The following SLC39A8 variants were observed in gnomAD, a reference collection of about 807,000 sequenced individuals.
SLC39A8 encodes metal cation symporter ZIP8.
Under a neutral mutation model 40.4 loss-of-function variants are expected in SLC39A8, and 15 were observed. That is an observed-to-expected ratio of 0.37 (90% CI 0.25 to 0.57). The LOEUF is 0.57. Ranked by LOEUF, SLC39A8 falls within the 20% of genes least tolerant of loss-of-function variation. The probability of loss-of-function intolerance (pLI) is 0.75; values close to 1 mark genes in which losing one functional copy is unlikely to be tolerated. For synonymous variants in SLC39A8, 223 were observed against 221.6 expected (o/e 1.01, Z -0.06); for missense variants, 472 against 558.8 (o/e 0.84, Z 1.57).
chr4:102,270,296 C>T (rs1732292213), intron 6 of SLC39A8, among the ~76,000 whole-genome samples: 1 of 152,156 alleles, frequency 6.6e-6, no homozygotes. Context: ...TCTCATACCT[C>T]TAAGTACAGA....
intron 3 of SLC39A8, among the ~76,000 whole-genome samples, chr4:102,313,518 C>T (rs1734533771): frequency 6.6e-6 from 1 of 152,076 alleles, no homozygotes. Flanking sequence ...GTTAAGTCTT[C>T]CCTTTTCTTC....
chr4:102,260,280 T>C (rs1731810887), downstream of SLC39A8, among the ~76,000 whole-genome samples: 2 of 152,224 alleles, frequency 1.3e-5, no homozygotes, highest in Admixed American at 1.3e-4. Flanking sequence ...CTGGGCTTCT[T>C]TTCAGTAAGA....
chr4:102,311,689 G>A (rs759560687), intron 3 of SLC39A8, among the ~76,000 whole-genome samples: 2 of 151,942 alleles, frequency 1.3e-5, no homozygotes, highest in Non-Finnish European at 2.9e-5. Context: ...TCAGTTTACT[G>A]TACTCATCAA....
At chr4:102,315,232 T>C (rs1162805909) in intron 3 of SLC39A8, among the ~76,000 whole-genome samples, 1 of 152,142 alleles carries the variant, frequency 6.6e-6, no homozygotes, top group Non-Finnish European at 1.5e-5. Flanking sequence ...AATAATTTGG[T>C]CCCTGAAAAT....
intron 2 of SLC39A8, among the ~76,000 whole-genome samples, chr4:102,340,972 C>T (rs767017045): frequency 2.6e-5 from 4 of 152,134 alleles, no homozygotes; most frequent in Non-Finnish European, 2.9e-5. Context: ...ATCCATAGAG[C>T]AGTGAGTAGT....
chr4:102,259,444 G>A (rs765601139), downstream of SLC39A8: 11 of 1,527,016 alleles, frequency 7.2e-6, no homozygotes, highest in African/African-American at 1.1e-4. Context: ...ATTGTTCCTT[G>A]TTATTCTTAC....
Position 102,267,669 on chromosome 4 carries a change from A to G in SLC39A8, c.1054T>C (p.Phe352Leu), listed in dbSNP as rs1196995473. 2 of 1,580,212 alleles carry G rather than the reference A, an allele frequency of 1.3e-6. No homozygotes were observed. Among genetic ancestry groups the G allele is most frequent in the Non-Finnish European group, 1.7e-6 (2 of 1,168,966 alleles). Residue 352 changes from phenylalanine to leucine, a missense_variant, in exon 8 of 9, where the codon TTT becomes CTT. Physicochemically the swap from Phe to Leu is conservative, Grantham distance 22. Transcript: ENST00000356736. ...CEEFPHELGD[F>L]VILLNAGMST... ...ATCCCTGCATTGAGTAGGATCACAA[A>G]GTCTCCTAGAAGAAGAAGAAGAAAA...
chr4:102,253,051 C>G (rs746153655), exon 12 of SLC39A8: 18 of 173,302 alleles, frequency 1.0e-4, no homozygotes, highest in Non-Finnish European at 1.8e-4. Flanking sequence ...GGAACCCACT[C>G]TACTCCAGTA....
chr4:102,312,517 T>C (rs886790572), intron 3 of SLC39A8, among the ~76,000 whole-genome samples: 2 of 152,076 alleles, frequency 1.3e-5, no homozygotes, highest in Non-Finnish European at 2.9e-5. Context: ...CAACTGGGGT[T>C]TAAAAATTAC....
chr4:102,305,046 A>T lies in SLC39A8; in HGVS notation c.618T>A (p.Phe206Leu). 6.2e-7 allele frequency: 1 copy of T among 1,610,704 alleles called. No homozygotes were observed. Among genetic ancestry groups the T allele is most frequent in the Middle Eastern group, 1.7e-4 (1 of 6,034 alleles). ...TTCTTTCAAAAAAGAAAAGTAGGTA[A>T]AATCCACCAAACACAGCAACTGCCT... The part of the protein sequence containing the change: ...VEKAVAVFGG[F>L]YLLFFFERML... The change falls in exon 5 of 9, where the codon TTT becomes TTA. Residue 206 changes from phenylalanine to leucine, a missense_variant. Physicochemically the swap from Phe to Leu is conservative, Grantham distance 22. Coordinates refer to ENST00000356736, the MANE Select transcript of SLC39A8 (RefSeq NM_001135146.2).
intron 6 of SLC39A8, among the ~76,000 whole-genome samples, chr4:102,303,293 C>T (rs1733995792): frequency 6.6e-6 from 1 of 151,932 alleles, no homozygotes; most frequent in African/African-American, 2.4e-5. Flanking sequence ...TTTTCAGCAT[C>T]CCTTTTTGAT....
In SLC39A8 at chr4:102,315,919, T is replaced by C. The variant is rs1026103418; in HGVS notation, c.220-89A>G. 33 of 1,116,250 alleles carry C rather than the reference T, an allele frequency of 3.0e-5. No homozygotes were observed. The African/African-American group carries it at 4.9e-4, about 17-fold the overall frequency. The allele number at this position is 1,116,250 out of a possible 1,614,324, so 69.1% of individuals were successfully genotyped here. ...CTATAAAGAGACACAGACTATTTCA[T>C]CTAGATGCACAGCACTCTTTATACA... On this transcript the variant is annotated intron_variant, in intron 2 of 8. Coordinates refer to ENST00000356736, the MANE Select transcript of SLC39A8 (RefSeq NM_001135146.2).
Position 102,262,002 on chromosome 4 carries a change from G to T in SLC39A8, c.*1042C>A, listed in dbSNP as rs1731882965. On this transcript the variant is annotated 3_prime_UTR_variant, in exon 9 of 9. Coordinates refer to ENST00000356736, the MANE Select transcript of SLC39A8 (RefSeq NM_001135146.2). Reference sequence around the variant, plus strand: ...CCATGGTGTGCTAATTTTTTTCAAGGTATACCATATGGAAAAGTATAGGCT... The same window carrying T: ...CCATGGTGTGCTAATTTTTTTCAAGTTATACCATATGGAAAAGTATAGGCT... 2 of 985,512 alleles carry T rather than the reference G, an allele frequency of 2.0e-6. No individual in the cohort carries two copies. Among genetic ancestry groups the T allele is most frequent in the Non-Finnish European group, 2.4e-6 (2 of 829,810 alleles). The allele number at this position is 985,512 out of a possible 1,614,324, so 61.0% of individuals were successfully genotyped here.
exon 12 of SLC39A8, chr4:102,252,032 C>T (rs549277702): frequency 3.9e-5 from 6 of 152,238 alleles, no homozygotes; most frequent in Admixed American, 1.3e-4. Flanking sequence ...CCTAAGAGTA[C>T]GAAGTTTAAC....
At chr4:102,272,311 C>CAATTA (rs1732397579) in intron 6 of SLC39A8, among the ~76,000 whole-genome samples, 1 of 151,804 alleles carries the variant, frequency 6.6e-6, no homozygotes, top group Non-Finnish European at 1.5e-5. Context: ...TGGTGGTGGG[C>CAATTA]GCCTGTAGTC....
At position 102,267,997 on chromosome 4, in the gene SLC39A8, G is replaced by A. The variant is rs376000562; in HGVS notation, c.923C>T (p.Thr308Met). The change falls in exon 7 of 9, where the codon ACG becomes ATG. Residue 308 changes from threonine (T) to methionine (M), a missense_variant. This residue lies in a region of SLC39A8 where 239 missense variants were observed against 317.9 expected (regional missense o/e 0.75). Coordinates refer to ENST00000356736, the MANE Select transcript of SLC39A8 (RefSeq NM_001135146.2). ...SEIGTIAWMI[T>M]LCDALHNFID... ...GAAATTGTGGAGGGCATCGCAGAGC[G>A]TTATCATCCAGGCAATCGTCCCTAT... The A allele has an allele frequency of 3.3e-5, 53 of 1,614,174 alleles. No individual in the cohort carries two copies. Among genetic ancestry groups the A allele is most frequent in the East Asian group, 8.9e-5 (4 of 44,880 alleles).
Position 102,337,682 on chromosome 4 carries a change from A to G in SLC39A8, c.219+6762T>C, listed in dbSNP as rs1735734971. ...AGAATGCAATTGCTTCAGAGGCATC[A>G]TAAGGGAAGATTTCCATTCTAAACC... On this transcript the variant is annotated intron_variant, in intron 2 of 8. Transcript: ENST00000356736. Among the ~76,000 whole-genome samples the G allele has an allele frequency of 1.3e-5, 2 of 152,198 alleles. 1 individual carries two copies. Among genetic ancestry groups the G allele is most frequent in the South Asian group, 4.1e-4 (2 of 4,832 alleles).
intron 6 of SLC39A8, among the ~76,000 whole-genome samples, chr4:102,286,877 A>C (rs1733206756): frequency 6.6e-6 from 1 of 152,198 alleles, no homozygotes; most frequent in East Asian, 1.9e-4. Flanking sequence ...GTTAGAAATC[A>C]TAACTTATTA....
intron 6 of SLC39A8, among the ~76,000 whole-genome samples, chr4:102,284,761 C>A (rs1733077857): frequency 6.6e-6 from 1 of 152,058 alleles, no homozygotes; most frequent in Admixed American, 6.5e-5. Context: ...TGATGTTTGT[C>A]CAGAAAAGAA....
Sources: allele counts gnomAD v4.1 joint callset (sites outside exome capture counted in the v4.1 genomes callset), GRCh38; gene constraint gnomAD v4.1.1; regional missense constraint gnomAD v4.1.1; transcripts MANE v1.5; gene names NCBI Gene and HGNC (gene_info 2026-07-23, HGNC 2026-07-21).